Variants in ADAM2 observed in about 807,000 individuals in gnomAD.
ADAM2 encodes the protein ADAM metallopeptidase domain 2.
In ADAM2, 101 loss-of-function variants were observed where a neutral mutation model predicts 99.3. The observed-to-expected ratio is 1.02, with a 90% CI of 0.87 to 1.20. ADAM2 has a LOEUF of 1.20. ADAM2 is among the 50% of genes most tolerant of loss of function. ADAM2 has a pLI of 0.00. For missense variants in ADAM2, 948 were observed against 878.7 expected, an observed-to-expected ratio of 1.08 and a Z score of -1.00; for synonymous variants, 323 against 287.6, an observed-to-expected ratio of 1.12 and a Z score of -1.25.
At chr8:39,835,088 A>G (rs1310671407) in intron 2 of ADAM2, among the ~76,000 whole-genome samples, 1 of 152,166 alleles carries the variant, frequency 6.6e-6, no homozygotes, top group Non-Finnish European at 1.5e-5. Flanking sequence ...CTGAGGCACC[A>G]GGGGTTAGGA....
chr8:39,761,290 A>C lies in ADAM2; in HGVS notation c.1508-9T>G. ...AGGGCCAAACTCTACTTCTGAAAAT[A>C]AAAAGGTGAGGTTAGTCATATTAAA... On this transcript the variant is annotated splice_polypyrimidine_tract_variant and intron_variant, in intron 14 of 20. Coordinates refer to ENST00000265708, the MANE Select transcript of ADAM2 (RefSeq NM_001464.5). 6.5e-7 allele frequency: 1 copy of C among 1,541,130 alleles called. No individual in the cohort carries two copies. The highest frequency in any genetic ancestry group is 8.9e-7 in the Non-Finnish European group (1 of 1,128,612).
intron 7 of ADAM2, among the ~76,000 whole-genome samples, chr8:39,799,529 T>C (rs1484158560): frequency 6.6e-6 from 1 of 151,988 alleles, no homozygotes; most frequent in East Asian, 1.9e-4. Context: ...GGGTAGAGAG[T>C]TCTGTAGACA....
chr8:39,806,768 C>A (rs1804458925), intron 7 of ADAM2, among the ~76,000 whole-genome samples: 1 of 152,014 alleles, frequency 6.6e-6, no homozygotes, highest in South Asian at 2.1e-4. Context: ...ATCTTTGTTG[C>A]AAAGATTGTT....
chr8:39,769,950 C>CT (rs60250805), intron 11 of ADAM2, among the ~76,000 whole-genome samples: 85,687 of 134,722 alleles, frequency 0.64, 27,474 homozygotes, highest in East Asian at 0.85. Context: ...TTTCTTTTTT[C>CT]TTTTTTTTTT....
intron 7 of ADAM2, among the ~76,000 whole-genome samples, chr8:39,804,326 C>T (rs1354601016): frequency 2.6e-5 from 4 of 151,772 alleles, no homozygotes; most frequent in Non-Finnish European, 4.4e-5. Context: ...TGCAGGTGTT[C>T]GTAGGGAATG....
At chr8:39,771,418 G>A (rs977044192) in intron 11 of ADAM2, among the ~76,000 whole-genome samples, 5 of 152,092 alleles carry the variant, frequency 3.3e-5, no homozygotes, top group Admixed American at 3.3e-4. Flanking sequence ...TTTTAAAGGA[G>A]TGCACTATTG....
At chr8:39,759,627 T>C (rs1802276387) in intron 15 of ADAM2, among the ~76,000 whole-genome samples, 1 of 152,060 alleles carries the variant, frequency 6.6e-6, no homozygotes, top group African/African-American at 2.4e-5. Flanking sequence ...CTCAAACCTT[T>C]CAGAAAAATA....
chr8:39,800,060 C>T (rs572906191), intron 7 of ADAM2, among the ~76,000 whole-genome samples: 32 of 151,740 alleles, frequency 2.1e-4, no homozygotes, highest in African/African-American at 7.8e-4. Context: ...GAATGTGATC[C>T]TGTCACATGG....
intron 16 of ADAM2, among the ~76,000 whole-genome samples, chr8:39,751,290 C>A (rs1377700170): frequency 6.6e-6 from 1 of 152,150 alleles, no homozygotes; most frequent in African/African-American, 2.4e-5. Context: ...TTCCTTCACA[C>A]TTAACTACAA....
In ADAM2 at chr8:39,749,722, A is replaced by C; in HGVS notation, c.1820T>G (p.Val607Gly). 5.6e-6 allele frequency: 9 copies of C among 1,612,396 alleles called. No homozygotes were observed. Among genetic ancestry groups the C allele is most frequent in the Non-Finnish European group, 7.6e-6 (9 of 1,178,868 alleles). The change falls in exon 17 of 21, where the codon GTG becomes GGG. Residue 607 changes from valine (V) to glycine (G), a missense_variant. By Grantham distance (109) the Val-to-Gly change is moderately radical (BLOSUM62 -3). Transcript: ENST00000265708. ...SNKVCRNQRC[V>G]SSSYLGYDCT... ...ATCATAACCCAAGTATGAAGAACTC[A>C]CACATCTTTGATTCCTGCAAACCTA...
chr8:39,808,146 G>C (rs1314659793), intron 7 of ADAM2, among the ~76,000 whole-genome samples: 1 of 149,740 alleles, frequency 6.7e-6, no homozygotes, highest in Non-Finnish European at 1.5e-5. Flanking sequence ...ACAAAGTTAT[G>C]TTTTATCACA....
intron 7 of ADAM2, among the ~76,000 whole-genome samples, chr8:39,808,220 AC>A (rs1563371511): frequency 6.6e-6 from 1 of 151,374 alleles, no homozygotes; most frequent in Non-Finnish European, 1.5e-5. Flanking sequence ...ACACACACAC[AC>A]AATTACAAGT....
intron 7 of ADAM2, among the ~76,000 whole-genome samples, chr8:39,803,306 C>T (rs1361531999): frequency 6.6e-6 from 1 of 152,104 alleles, no homozygotes; most frequent in African/African-American, 2.4e-5. Flanking sequence ...ACCATCTAAA[C>T]TTAAGTTGTT....
At chr8:39,749,001 C>T (rs1272144798) in intron 18 of ADAM2, among the ~76,000 whole-genome samples, 1 of 152,120 alleles carries the variant, frequency 6.6e-6, no homozygotes, top group Non-Finnish European at 1.5e-5. Context: ...GGTTGCCTCA[C>T]CTTTCTCTGA....
chr8:39,834,099 T>A (rs1805724056), intron 2 of ADAM2, 100 bp from the exon 3 acceptor site: 1 of 627,540 alleles, frequency 1.6e-6, no homozygotes. Flanking sequence ...CTAAAACACA[T>A]TCATTTAATA....
At chr8:39,803,098 C>A (rs966448009) in intron 7 of ADAM2, among the ~76,000 whole-genome samples, 1 of 152,088 alleles carries the variant, frequency 6.6e-6, no homozygotes, top group Non-Finnish European at 1.5e-5. Flanking sequence ...AAAAGATCGA[C>A]CATGGATCCT....
chr8:39,796,346 C>G (rs141171652), intron 7 of ADAM2, among the ~76,000 whole-genome samples: 9 of 152,292 alleles, frequency 5.9e-5, no homozygotes, highest in Admixed American at 3.9e-4. Context: ...CCAGCTTCAT[C>G]CATGTCCCTG....
intron 7 of ADAM2, among the ~76,000 whole-genome samples, chr8:39,792,247 AC>A (rs1364796919): frequency 6.6e-6 from 1 of 152,004 alleles, no homozygotes; most frequent in Non-Finnish European, 1.5e-5. Context: ...AAATGGCAAA[AC>A]CTTACTAAAC....
Position 39,744,754 on chromosome 8 carries a change from A to G in ADAM2, c.*30+76T>C, listed in dbSNP as rs902854812. ...CACCATGGCACATGTATACCTATGT[A>G]ACAAACCTGCACATTCTGCACCTGT... On this transcript the variant is annotated intron_variant, in intron 20 of 20. Transcript: ENST00000265708. The G allele has an allele frequency of 2.3e-5, 23 of 991,686 alleles. No homozygotes were observed. The Admixed American group carries it at 5.2e-4, about 22-fold the overall frequency. 61.4% of individuals were successfully genotyped at this position (991,686 alleles called of 1,614,324 possible). A position where few individuals can be genotyped will look rare whatever the true frequency, so the allele number is the denominator to read the frequency against.
Sources: gnomAD v4.1 joint callset for allele counts (sites outside exome capture counted in the v4.1 genomes callset) on GRCh38, gnomAD v4.1.1 for gene constraint, MANE v1.5 for transcripts, NCBI Gene and HGNC (gene_info 2026-07-23, HGNC 2026-07-21) for gene names.